CPNE5: variants seen among roughly 807,000 people sequenced by gnomAD.
The protein encoded by CPNE5 is copine 5, also known as copine-5.
Under a neutral mutation model 81.1 loss-of-function variants are expected in CPNE5, and 42 were observed. The ratio of observed to expected loss-of-function variants is 0.52; its 90% CI spans 0.40 to 0.67. The LOEUF (loss-of-function observed/expected upper bound fraction) is 0.67. Ranked by LOEUF, CPNE5 falls within the 30% of genes least tolerant of loss-of-function variation. The probability of loss-of-function intolerance (pLI) is 0.00; values close to 1 mark genes in which losing one functional copy is unlikely to be tolerated. For synonymous variants in CPNE5, 313 were observed against 321.5 expected (o/e 0.97, Z 0.28); for missense variants, 612 against 815.5 (o/e 0.75, Z 3.04).
At position 36,749,655 on chromosome 6, in the gene CPNE5, C is replaced by CAA. The variant is rs1241167245; in HGVS notation, c.972-1390_972-1389dup. The stretch of plus-strand genomic sequence containing the variant: ...CAGCCTGAGCAACATAGTGAGACCT[C>CAA]AAAAATAAAAAAAAAAAACCCACTA... On this transcript the variant is annotated intron_variant, in intron 14 of 20. Coordinates refer to ENST00000244751, the MANE Select transcript of CPNE5 (RefSeq NM_020939.2). 6.2e-4 allele frequency among the ~76,000 whole-genome samples: 62 copies of CAA among 99,492 alleles called. 1 individual carries two copies. In the East Asian group the frequency reaches 0.018, roughly 28 times the overall value. The allele number at this position is 99,492 out of a possible 152,430, so 65.3% of individuals were successfully genotyped here. A position where few individuals can be genotyped will look rare whatever the true frequency, so the allele number is the denominator to read the frequency against.
At chr6:36,765,230 C>G in intron 11 of CPNE5, 105 bp downstream of exon 11, 10 of 1,261,438 alleles carry the variant, frequency 7.9e-6, no homozygotes, top group Non-Finnish European at 1.0e-5. Flanking sequence ...ACCCCCAGAG[C>G]CACTGCGGGG....
At chr6:36,792,888 A>G (rs1478978483) in intron 7 of CPNE5, among the ~76,000 whole-genome samples, 2 of 152,084 alleles carry the variant, frequency 1.3e-5, no homozygotes, top group Admixed American at 6.5e-5. Flanking sequence ...GTCCCAGTGT[A>G]GTCAGGGGCC....
chr6:36,786,043 A>C (rs975910362), intron 8 of CPNE5, among the ~76,000 whole-genome samples: 2 of 151,998 alleles, frequency 1.3e-5, no homozygotes, highest in South Asian at 4.1e-4. Flanking sequence ...AAATTTAAAA[A>C]GAAGGACCAC....
chr6:36,819,165 C>T (rs764359042), intron 3 of CPNE5, among the ~76,000 whole-genome samples: 24 of 152,140 alleles, frequency 1.6e-4, no homozygotes, highest in Non-Finnish European at 1.8e-4. Flanking sequence ...TGCAGTGGCA[C>T]GATCTCAGCT....
intron 1 of CPNE5, 130 bp from the exon 2 acceptor site, chr6:36,823,228 T>C (rs943233982): frequency 9.4e-6 from 6 of 638,578 alleles, no homozygotes; most frequent in Non-Finnish European, 1.5e-5. Context: ...TCCACAATCG[T>C]TTATTAGGCT....
At chr6:36,797,981 G>A (rs1162557230) in intron 6 of CPNE5, among the ~76,000 whole-genome samples, 184 bp downstream of exon 6, 1 of 152,126 alleles carries the variant, frequency 6.6e-6, no homozygotes, top group African/African-American at 2.4e-5. Context: ...CCCATCCTGG[G>A]TTCCCCTGAA....
intron 8 of CPNE5, among the ~76,000 whole-genome samples, chr6:36,787,709 G>C (rs1330173027): frequency 2.6e-5 from 4 of 152,178 alleles, no homozygotes; most frequent in Non-Finnish European, 5.9e-5. Flanking sequence ...GAGCACGCTG[G>C]TGACACCTAA....
chr6:36,768,157 G>A (rs563512177), intron 10 of CPNE5, among the ~76,000 whole-genome samples: 1 of 150,792 alleles, frequency 6.6e-6, no homozygotes, highest in East Asian at 2.0e-4. Flanking sequence ...GAGAGAAATA[G>A]TGCCCAGAGA....
At chr6:36,745,573 G>T in intron 16 of CPNE5, 58 bp from the exon 17 acceptor site, 2 of 1,541,276 alleles carry the variant, frequency 1.3e-6, no homozygotes, top group Non-Finnish European at 1.8e-6. Flanking sequence ...GGTGCACGAT[G>T]TGTGGGAACT....
At chr6:36,780,470 T>A (rs236415) in intron 8 of CPNE5, among the ~76,000 whole-genome samples, 19,678 of 152,210 alleles carry the variant, frequency 0.13, 1,356 homozygotes, top group Middle Eastern at 0.23. Context: ...CTTAGCTGCG[T>A]GACTTAAGGC....
intron 1 of CPNE5, among the ~76,000 whole-genome samples, chr6:36,836,736 C>A (rs1773541406): frequency 6.6e-6 from 1 of 152,122 alleles, no homozygotes; most frequent in Non-Finnish European, 1.5e-5. Context: ...CTGTGCTCCT[C>A]TCCTCCTCCT....
intron 10 of CPNE5, among the ~76,000 whole-genome samples, chr6:36,768,622 C>T (rs1766792340): frequency 1.3e-5 from 2 of 152,304 alleles, no homozygotes; most frequent in Admixed American, 6.5e-5. Context: ...GGCTCCTAAC[C>T]CCTTAGCACA....
At chr6:36,817,898 T>C (rs755471779) in intron 3 of CPNE5, among the ~76,000 whole-genome samples, 5 of 152,176 alleles carry the variant, frequency 3.3e-5, no homozygotes, top group Non-Finnish European at 7.3e-5. Flanking sequence ...GGAGTAGTAA[T>C]GGCTCCCTCC....
chr6:36,746,138 C>T lies in CPNE5; in HGVS notation c.1200+258G>A. The T allele has an allele frequency of 1.0e-6, 1 of 985,238 alleles. No homozygotes were observed. The highest frequency in any genetic ancestry group is 1.2e-6 in the Non-Finnish European group (1 of 829,758). 61.0% of individuals were successfully genotyped at this position (985,238 alleles called of 1,614,324 possible). On this transcript the variant is annotated intron_variant, in intron 16 of 20. Transcript: ENST00000244751. The surrounding 1 kb of genome is among the most constrained non-coding windows in gnomAD (Gnocchi z 4.5). ...TGGGTCAGCCACAGCTCGCCTCCAC[C>T]TGCACCTGCGTCTTGTCAGGAACAA...
At chr6:36,810,571 G>A (rs890542436) in intron 3 of CPNE5, among the ~76,000 whole-genome samples, 6 of 152,316 alleles carry the variant, frequency 3.9e-5, no homozygotes, top group Middle Eastern at 3.4e-3. Context: ...AGAGTGGCCT[G>A]AGATCTGGGG....
At chr6:36,748,375 G>T (rs1764424282) in intron 14 of CPNE5, 108 bp from the exon 15 acceptor site, 1 of 949,294 alleles carries the variant, frequency 1.1e-6, no homozygotes, top group East Asian at 2.4e-5. Context: ...CTTGCCAGGT[G>T]TGTGGCCTTG....
At chr6:36,771,854 C>T (rs1377883707) in intron 10 of CPNE5, among the ~76,000 whole-genome samples, 4 of 152,100 alleles carry the variant, frequency 2.6e-5, no homozygotes, top group Non-Finnish European at 5.9e-5. Context: ...TAGGCCTGAT[C>T]GTTCTTGGAG....
intron 1 of CPNE5, chr6:36,827,693 G>T (rs989755462): frequency 3.0e-6 from 3 of 985,392 alleles, no homozygotes; most frequent in Non-Finnish European, 3.6e-6. Flanking sequence ...AGGCCCAGGG[G>T]CAATGAGTCA....
intron 12 of CPNE5, among the ~76,000 whole-genome samples, chr6:36,760,313 C>T (rs1765899979): frequency 6.6e-6 from 1 of 151,764 alleles, no homozygotes; most frequent in Non-Finnish European, 1.5e-5. Context: ...CCCTGTAGGT[C>T]AGTGGATCTC....
Sources: gnomAD v4.1 joint callset for allele counts (sites outside exome capture counted in the v4.1 genomes callset) on GRCh38, gnomAD v4.1.1 for gene constraint, Gnocchi (gnomAD v3.1) non-coding constraint, MANE v1.5 for transcripts, NCBI Gene and HGNC (gene_info 2026-07-23, HGNC 2026-07-21) for gene names.